Variants in IPP observed in about 807,000 individuals in gnomAD.
IPP encodes the protein actin-binding protein IPP.
In IPP, 41 loss-of-function variants were observed where a neutral mutation model predicts 64.1. The observed-to-expected ratio is 0.64, with a 90% CI of 0.50 to 0.83. The LOEUF is 0.83. Among genes scored for constraint, IPP ranks in the 40% least tolerant of loss-of-function variants. The probability of loss-of-function intolerance (pLI) is 0.00; values close to 1 mark genes in which losing one functional copy is unlikely to be tolerated. For synonymous variants in IPP, 214 were observed against 235.2 expected, an observed-to-expected ratio of 0.91 and a Z score of 0.83; for missense variants, 649 against 703.0, an observed-to-expected ratio of 0.92 and a Z score of 0.87.
At chr1:45,722,892 T>A (rs1475936398) in intron 5 of IPP, among the ~76,000 whole-genome samples, 1 of 152,256 alleles carries the variant, frequency 6.6e-6, no homozygotes, top group African/African-American at 2.4e-5. Context: ...TATTATATGA[T>A]TCCATTTATA....
At chr1:45,738,842 A>ATAC (rs1646016377) in intron 3 of IPP, among the ~76,000 whole-genome samples, 1 of 86,560 alleles carries the variant, frequency 1.2e-5, no homozygotes, top group Non-Finnish European at 2.7e-5. Flanking sequence ...TCCATCTCAA[A>ATAC]AAAAAAAAAA....
intron 5 of IPP, among the ~76,000 whole-genome samples, chr1:45,724,177 T>G (rs1242963969): frequency 6.6e-6 from 1 of 151,708 alleles, no homozygotes; most frequent in Non-Finnish European, 1.5e-5. Context: ...GGAGACGGGG[T>G]TTTGCTGTGT....
intron 5 of IPP, among the ~76,000 whole-genome samples, chr1:45,725,047 C>T (rs1645795579): frequency 6.7e-6 from 1 of 149,250 alleles, no homozygotes; most frequent in Non-Finnish European, 1.5e-5. Context: ...GGCCAGCCGC[C>T]CCGTCCGGGA....
At chr1:45,742,411 A>C (rs1165556935) in intron 2 of IPP, among the ~76,000 whole-genome samples, 1 of 152,240 alleles carries the variant, frequency 6.6e-6, no homozygotes, top group Non-Finnish European at 1.5e-5. Flanking sequence ...CAACAACAAC[A>C]AATAAAGTCT....
chr1:45,698,486 G>T (rs1405408454), downstream of IPP, among the ~76,000 whole-genome samples: 2 of 152,002 alleles, frequency 1.3e-5, no homozygotes, highest in Admixed American at 1.3e-4. Flanking sequence ...TTTGGGTCAA[G>T]GGGTACTTTC....
chr1:45,742,243 AG>A (rs1467597845), intron 2 of IPP, among the ~76,000 whole-genome samples: 1 of 152,154 alleles, frequency 6.6e-6, no homozygotes, highest in Non-Finnish European at 1.5e-5. Context: ...AGGAGGGTAA[AG>A]ATTGAAAAAC....
At position 45,741,088 on chromosome 1, in the gene IPP, CG is replaced by C. The variant is rs767241416; in HGVS notation, c.536del (p.Thr179ArgfsTer5). On this transcript the variant is annotated frameshift_variant, in exon 3 of 9. Coordinates refer to ENST00000396478, the MANE Select transcript of IPP (RefSeq NM_005897.3). LOFTEE classifies it high-confidence loss of function. Reference sequence around the variant, plus strand: ...GCAAAATTTTGATCAGCTGATCTTTCGTAAGTGCCAGGAACTCTTCTCCACT... The same window carrying C: ...GCAAAATTTTGATCAGCTGATCTTTCTAAGTGCCAGGAACTCTTCTCCACT... ...VHSGEEFLAL[T>X]KDQLIKILRS... The C allele has an allele frequency of 1.9e-6, 3 of 1,614,084 alleles. No individual in the cohort carries two copies. The highest frequency in any genetic ancestry group is 2.5e-6 in the Non-Finnish European group (3 of 1,179,982).
chr1:45,724,665 G>A (rs563734198), intron 5 of IPP, among the ~76,000 whole-genome samples: 2 of 151,534 alleles, frequency 1.3e-5, no homozygotes, highest in East Asian at 3.9e-4. Flanking sequence ...CCTCTGCCGG[G>A]CCGCAACCCT....
At chr1:45,746,815 A>G (rs1646140336) in intron 1 of IPP, among the ~76,000 whole-genome samples, 1 of 152,250 alleles carries the variant, frequency 6.6e-6, no homozygotes, top group African/African-American at 2.4e-5. Flanking sequence ...CACACATCAC[A>G]GACAACAGCA....
At chr1:45,740,607 T>C (rs1402473262) in intron 3 of IPP, among the ~76,000 whole-genome samples, 2 of 152,246 alleles carry the variant, frequency 1.3e-5, no homozygotes, top group African/African-American at 4.8e-5. Flanking sequence ...AGCAGTGGTA[T>C]GTTAGTAGCT....
chr1:45,719,520 T>C (rs1645703753), intron 5 of IPP, among the ~76,000 whole-genome samples, 180 bp from the exon 6 acceptor site: 1 of 152,232 alleles, frequency 6.6e-6, no homozygotes, highest in Non-Finnish European at 1.5e-5. Context: ...AGCACTGTCA[T>C]TTATTAAAGC....
chr1:45,720,417 G>T (rs1183440366), intron 5 of IPP, among the ~76,000 whole-genome samples: 1 of 151,838 alleles, frequency 6.6e-6, no homozygotes, highest in Non-Finnish European at 1.5e-5. Flanking sequence ...GAAGATTTTT[G>T]TATTTAAAAA....
chr1:45,726,812 C>T (rs1049297186), intron 5 of IPP, among the ~76,000 whole-genome samples: 11 of 151,554 alleles, frequency 7.3e-5, no homozygotes, highest in African/African-American at 2.7e-4. Flanking sequence ...CAACCTCCGC[C>T]TCCCGGGTTC....
chr1:45,734,497 GCA>G (rs1645951446), intron 3 of IPP, among the ~76,000 whole-genome samples: 1 of 151,770 alleles, frequency 6.6e-6, no homozygotes, highest in Non-Finnish European at 1.5e-5. Flanking sequence ...GAGTGCACTG[GCA>G]CAGTCATAGC....
rs371114917 is a variant in IPP, at chr1:45,728,126, CTGTGTGTGTGTGTG to C, written c.881-342_881-329del. 4.8e-4 allele frequency among the ~76,000 whole-genome samples: 64 copies of C among 132,272 alleles called. No individual in the cohort carries two copies. The East Asian group carries it at 6.2e-3, about 13-fold the overall frequency. The allele number at this position is 132,272 out of a possible 152,430, so 86.8% of individuals were successfully genotyped here. On this transcript the variant is annotated intron_variant, in intron 4 of 8. Transcript: ENST00000396478. The stretch of plus-strand genomic sequence containing the variant: ...TCAATTAAAAATAGTGAGTTGAAAG[CTGTGTGTGTGTGTG>C]TGTGTGTGTGTGTGTGTGTGTGTGT...
chr1:45,697,603 A>G (rs1322788749), downstream of IPP, among the ~76,000 whole-genome samples: 4 of 152,174 alleles, frequency 2.6e-5, no homozygotes, highest in Non-Finnish European at 5.9e-5. Flanking sequence ...ATGCAATTAA[A>G]AGTTTTCTAT....
At chr1:45,724,043 A>G (rs1452959561) in intron 5 of IPP, among the ~76,000 whole-genome samples, 1 of 148,022 alleles carries the variant, frequency 6.8e-6, no homozygotes, top group Non-Finnish European at 1.5e-5. Context: ...CCAAAGCTGG[A>G]CTGTACTGCT....
chr1:45,695,117 C>A (rs1645375243), downstream of IPP: 1 of 152,456 alleles, frequency 6.6e-6, no homozygotes, highest in Non-Finnish European at 1.5e-5. Flanking sequence ...TGGTCTAGTT[C>A]TACATCTTTT....
At chr1:45,737,457 CTTTTTT>C (rs778748035) in intron 3 of IPP, among the ~76,000 whole-genome samples, 30 of 121,254 alleles carry the variant, frequency 2.5e-4, no homozygotes, top group African/African-American at 7.9e-4. Flanking sequence ...ATAAACAATT[CTTTTTT>C]TTTTTTTTTT....
Sources: allele counts gnomAD v4.1 joint callset (sites outside exome capture counted in the v4.1 genomes callset), GRCh38; gene constraint gnomAD v4.1.1; transcripts MANE v1.5; gene names NCBI Gene and HGNC (gene_info 2026-07-23, HGNC 2026-07-21).